The following KCND2 variants were observed in gnomAD, a reference collection of about 807,000 sequenced individuals.
The protein encoded by KCND2 is A-type voltage-gated potassium channel KCND2.
Under a neutral mutation model 54.4 loss-of-function variants are expected in KCND2, and 16 were observed. The ratio of observed to expected loss-of-function variants is 0.29; its 90% confidence interval spans 0.20 to 0.45. KCND2 has a LOEUF of 0.45. Among genes scored for constraint, KCND2 ranks in the 20% least tolerant of loss-of-function variants. The pLI, the probability that KCND2 is intolerant of heterozygous loss-of-function variation, is 1.00. For synonymous variants in KCND2, 317 were observed against 310.7 expected, an observed-to-expected ratio of 1.02 and a Z score of -0.21; for missense variants, 486 against 824.2, an observed-to-expected ratio of 0.59 and a Z score of 5.02.
intron 1 of KCND2, among the ~76,000 whole-genome samples, chr7:120,702,960 G>A (rs1562914582): frequency 6.6e-6 from 1 of 152,146 alleles, no homozygotes; most frequent in Admixed American, 6.6e-5. Flanking sequence ...AGTTGCCTGG[G>A]AAGTAGTAGT....
At chr7:120,465,542 T>C (rs1227820772) in intron 1 of KCND2, among the ~76,000 whole-genome samples, 1 of 152,040 alleles carries the variant, frequency 6.6e-6, no homozygotes, top group African/African-American at 2.4e-5. Context: ...ATGAAGGATT[T>C]AGAGAAGAAG....
At chr7:120,567,216 A>C (rs900264085) in intron 1 of KCND2, among the ~76,000 whole-genome samples, 11 of 152,142 alleles carry the variant, frequency 7.2e-5, no homozygotes, top group African/African-American at 2.7e-4. Context: ...TGGGAGTAGA[A>C]ATGTTTTTCT....
At chr7:120,553,733 G>A (rs541907499) in intron 1 of KCND2, among the ~76,000 whole-genome samples, 24 of 152,306 alleles carry the variant, frequency 1.6e-4, no homozygotes, top group Non-Finnish European at 2.9e-4. Context: ...AGGAAATGAA[G>A]ATGATTCTCA....
chr7:120,498,980 ATATAT>A (rs146587796), intron 1 of KCND2, among the ~76,000 whole-genome samples: 14 of 152,238 alleles, frequency 9.2e-5, no homozygotes, highest in East Asian at 1.9e-4. Context: ...TAAAATATTA[ATATAT>A]TATAATATTC....
rs199719416 is a variant in KCND2, at chr7:120,720,054, CAAAACTGAT to C, written c.1116-12847_1116-12839del. On this transcript the variant is annotated intron_variant, in intron 1 of 5. Transcript: ENST00000331113. Reference sequence around the variant, plus strand: ...TCTAACACTTTTTTTCTCACTCTGTCAAAACTGATACTTTGGTTCTTTAGTTTGTTCTCA... The same window carrying C: ...TCTAACACTTTTTTTCTCACTCTGTCACTTTGGTTCTTTAGTTTGTTCTCA... 1.9e-4 allele frequency among the ~76,000 whole-genome samples: 29 copies of C among 152,196 alleles called. 1 individual carries two copies. The East Asian group carries it at 5.6e-3, about 29-fold the overall frequency.
intron 1 of KCND2, among the ~76,000 whole-genome samples, chr7:120,289,988 A>G (rs1370033322): frequency 1.3e-5 from 2 of 152,090 alleles, no homozygotes; most frequent in African/African-American, 2.4e-5. Context: ...AAATAAGAAA[A>G]TAAATATTTC....
At position 120,713,466 on chromosome 7, in the gene KCND2, A is replaced by G. The variant is rs147052721; in HGVS notation, c.1116-19437A>G. 5.7e-3 allele frequency among the ~76,000 whole-genome samples: 866 copies of G among 152,312 alleles called. 4 individuals are homozygous for G. The highest frequency in any genetic ancestry group is 0.01 in the Non-Finnish European group (700 of 68,010). On this transcript the variant is annotated intron_variant, in intron 1 of 5. Transcript: ENST00000331113. ...AGGTCTTCTGATTTCATGTCTTGCCAAATGAGAAAAACTCACAGTCATGTT... is the reference window on the plus strand; with the variant it reads ...AGGTCTTCTGATTTCATGTCTTGCCGAATGAGAAAAACTCACAGTCATGTT...
At chr7:120,316,582 G>A (rs1412189212) in intron 1 of KCND2, among the ~76,000 whole-genome samples, 2 of 152,064 alleles carry the variant, frequency 1.3e-5, no homozygotes, top group African/African-American at 2.4e-5. Flanking sequence ...GATTTATTAA[G>A]TGTTAGCCAA....
Position 120,614,414 on chromosome 7 carries a change from G to A in KCND2, c.1116-118489G>A, listed in dbSNP as rs114225553. ...AGTTATTTTGAGGTTTGCTAGATTT[G>A]ACCTCAGCTCCCCTTCAGCTATAAT... On this transcript the variant is annotated intron_variant, in intron 1 of 5. Transcript: ENST00000331113. Among the ~76,000 whole-genome samples the A allele has an allele frequency of 7.0e-3, 1,071 of 152,320 alleles. 12 individuals carry two copies. The highest frequency in any genetic ancestry group is 0.024 in the African/African-American group (996 of 41,568).
At chr7:120,406,451 A>G (rs913560023) in intron 1 of KCND2, among the ~76,000 whole-genome samples, 8 of 152,036 alleles carry the variant, frequency 5.3e-5, no homozygotes, top group Non-Finnish European at 1.0e-4. Flanking sequence ...TGTGCTTCCA[A>G]TACTGCCCTG....
intron 1 of KCND2, among the ~76,000 whole-genome samples, chr7:120,534,919 T>C (rs1791886410): frequency 6.6e-6 from 1 of 152,174 alleles, no homozygotes; most frequent in Non-Finnish European, 1.5e-5. Flanking sequence ...TATTTTTAAA[T>C]GAAAAGTGTG....
intron 1 of KCND2, among the ~76,000 whole-genome samples, chr7:120,480,297 T>G (rs1192952771): frequency 1.3e-5 from 2 of 152,120 alleles, no homozygotes; most frequent in East Asian, 3.9e-4. Context: ...AGGAAATATG[T>G]AAGCCATTAT....
chr7:120,738,038 A>T (rs1229449558), intron 2 of KCND2, among the ~76,000 whole-genome samples: 1 of 151,918 alleles, frequency 6.6e-6, no homozygotes, highest in Non-Finnish European at 1.5e-5. Context: ...CTGTTCCACA[A>T]CATAAACTAT....
chr7:120,419,739 C>A (rs1801582974), intron 1 of KCND2, among the ~76,000 whole-genome samples: 1 of 152,034 alleles, frequency 6.6e-6, no homozygotes, highest in Non-Finnish European at 1.5e-5. Flanking sequence ...TGTATCCTCT[C>A]CTGTGAGGAC....
chr7:120,736,162 C>T (rs1057134749), intron 2 of KCND2, among the ~76,000 whole-genome samples: 5 of 152,022 alleles, frequency 3.3e-5, no homozygotes, highest in African/African-American at 1.2e-4. Context: ...TAAGACCAAG[C>T]AAAAGCATGA....
chr7:120,677,556 G>GATATAGAT lies in KCND2; in HGVS notation c.1116-55342_1116-55341insGATATATA, dbSNP rs1562906460. Among the ~76,000 whole-genome samples the GATATAGAT allele has an allele frequency of 6.8e-4, 73 of 107,528 alleles. 2 individuals are homozygous for GATATAGAT. Among genetic ancestry groups the GATATAGAT allele is most frequent in the African/African-American group, 2.7e-3 (58 of 21,726 alleles). The allele number at this position is 107,528 out of a possible 152,430, so 70.5% of individuals were successfully genotyped here. A position where few individuals can be genotyped will look rare whatever the true frequency, so the allele number is the denominator to read the frequency against. ...ATATAGATATAGATATAGATATATA[G>GATATAGAT]ATATATAGATATATAGATATATAGA... On this transcript the variant is annotated intron_variant, in intron 1 of 5. Transcript: ENST00000331113.
At chr7:120,359,045 G>T (rs139096374) in intron 1 of KCND2, among the ~76,000 whole-genome samples, 1 of 152,132 alleles carries the variant, frequency 6.6e-6, no homozygotes, top group Admixed American at 6.6e-5. Context: ...GGTGGCATTC[G>T]TTGATCTTTA....
intron 1 of KCND2, among the ~76,000 whole-genome samples, chr7:120,535,652 A>G (rs986580588): frequency 3.3e-5 from 5 of 152,132 alleles, no homozygotes; most frequent in Non-Finnish European, 7.4e-5. Flanking sequence ...TGTGTTCCCA[A>G]TGTTTGGGAT....
intron 1 of KCND2, among the ~76,000 whole-genome samples, chr7:120,513,682 C>T (rs1045118118): frequency 5.9e-5 from 9 of 151,770 alleles, no homozygotes; most frequent in South Asian, 4.1e-4. Context: ...TTGTTGATTT[C>T]GTTTTTTGTT....
Sources: allele counts gnomAD v4.1 joint callset (sites outside exome capture counted in the v4.1 genomes callset), GRCh38; gene constraint gnomAD v4.1.1; transcripts MANE v1.5; gene names NCBI Gene and HGNC (gene_info 2026-07-23, HGNC 2026-07-21).